GRID2: variants seen among roughly 807,000 people sequenced by gnomAD.
GRID2 encodes the protein glutamate ionotropic receptor delta type subunit 2, also known as glutamate receptor ionotropic, delta-2.
GRID2 carries 33 observed loss-of-function variants against 114.8 expected under a neutral mutation model. The ratio of observed to expected loss-of-function variants is 0.29; its 90% CI spans 0.22 to 0.38. GRID2 has a LOEUF of 0.38. Among genes scored for constraint, GRID2 ranks in the 10% least tolerant of loss-of-function variants. GRID2 has a pLI of 1.00. For missense variants in GRID2, 1,184 were observed against 1,257.7 expected, an observed-to-expected ratio of 0.94 and a Z score of 0.89; for synonymous variants, 505 against 449.9, an observed-to-expected ratio of 1.12 and a Z score of -1.55.
chr4:93,118,492 A>T (rs1291970462), intron 4 of GRID2, among the ~76,000 whole-genome samples: 1 of 152,180 alleles, frequency 6.6e-6, no homozygotes, highest in African/African-American at 2.4e-5. Flanking sequence ...ATTTTGTTGA[A>T]TTCCAAATAT....
At chr4:92,860,949 A>G (rs1208042131) in intron 2 of GRID2, among the ~76,000 whole-genome samples, 3 of 152,132 alleles carry the variant, frequency 2.0e-5, no homozygotes, top group Admixed American at 6.6e-5. Flanking sequence ...GTAGATGTGC[A>G]TAAAGACACT....
intron 1 of GRID2, among the ~76,000 whole-genome samples, chr4:92,406,286 T>C (rs1731026151): frequency 6.6e-6 from 1 of 152,218 alleles, no homozygotes; most frequent in Admixed American, 6.5e-5. Context: ...ATACATAACT[T>C]TAAAATTATA....
intron 4 of GRID2, among the ~76,000 whole-genome samples, chr4:93,170,731 CT>C (rs1449636682): frequency 6.6e-6 from 1 of 152,120 alleles, no homozygotes; most frequent in African/African-American, 2.4e-5. Context: ...TACACTTCTC[CT>C]TTGAATTACA....
At chr4:92,852,962 G>A (rs1015174647) in intron 2 of GRID2, among the ~76,000 whole-genome samples, 2 of 151,928 alleles carry the variant, frequency 1.3e-5, no homozygotes, top group African/African-American at 4.8e-5. Flanking sequence ...CTGTTCTGCT[G>A]TAAATTCTTT....
At chr4:92,810,469 G>A (rs1171121521) in intron 2 of GRID2, among the ~76,000 whole-genome samples, 1 of 151,878 alleles carries the variant, frequency 6.6e-6, no homozygotes, top group Non-Finnish European at 1.5e-5. Context: ...TACCCCTGAA[G>A]CTACTGAAAT....
chr4:93,458,080 A>T (rs1305834398), intron 11 of GRID2, among the ~76,000 whole-genome samples: 1 of 152,176 alleles, frequency 6.6e-6, no homozygotes, highest in Non-Finnish European at 1.5e-5. Flanking sequence ...CCACTGGCCC[A>T]TACAAAGCCT....
chr4:92,972,335 C>A (rs998154551), intron 2 of GRID2, among the ~76,000 whole-genome samples: 3 of 151,080 alleles, frequency 2.0e-5, no homozygotes, highest in African/African-American at 7.3e-5. Flanking sequence ...TTGGCCATTT[C>A]TTTAAATAGA....
At chr4:93,240,296 G>T (rs1263381496) in intron 8 of GRID2, among the ~76,000 whole-genome samples, 1 of 151,534 alleles carries the variant, frequency 6.6e-6, no homozygotes, top group Admixed American at 6.6e-5. Flanking sequence ...TCTTGAATTT[G>T]TAAGACTTAA....
intron 4 of GRID2, among the ~76,000 whole-genome samples, chr4:93,192,141 A>G (rs1741042433): frequency 6.6e-6 from 1 of 152,172 alleles, no homozygotes; most frequent in African/African-American, 2.4e-5. Context: ...TAATTTACCT[A>G]GAGAGGAACT....
In GRID2 at chr4:92,590,173, T is replaced by C. The variant is rs1400147997; in HGVS notation, c.131T>C (p.Phe44Ser). Residue 44 changes from phenylalanine (F) to serine (S), a missense_variant, in exon 2 of 16, where the codon TTT becomes TCT. Phe to Ser is a radical substitution (Grantham distance 155, BLOSUM62 -2). Around this residue, in one of 3 missense-constraint regions of GRID2, gnomAD observed 455 missense variants for 429.5 expected, o/e 1.06. Transcript: ENST00000282020. ...TCTGCCAAAAAGGATGATGAGGTAT[T>C]TCGCACTGCGGTTGGTGACCTTAAC... ...DESAKKDDEVFRTAVGDLNQN... is the reference protein window; with the variant it reads ...DESAKKDDEVSRTAVGDLNQN... 1 of 1,612,364 alleles carries C rather than the reference T, an allele frequency of 6.2e-7. No homozygotes were observed. Among genetic ancestry groups the C allele is most frequent in the Admixed American group, 1.7e-5 (1 of 59,992 alleles).
At chr4:92,541,019 C>G (rs1228165094) in intron 1 of GRID2, among the ~76,000 whole-genome samples, 1 of 152,126 alleles carries the variant, frequency 6.6e-6, no homozygotes, top group Non-Finnish European at 1.5e-5. Flanking sequence ...TGGAAACCAT[C>G]ATTCTCAGCA....
At chr4:93,621,276 A>G (rs113705931) in intron 13 of GRID2, among the ~76,000 whole-genome samples, 37 of 152,332 alleles carry the variant, frequency 2.4e-4, no homozygotes, top group African/African-American at 8.4e-4. Context: ...CTGAGCCTCA[A>G]TAGTTACCAA....
chr4:92,970,473 T>C (rs1753436017), intron 2 of GRID2, among the ~76,000 whole-genome samples: 1 of 151,958 alleles, frequency 6.6e-6, no homozygotes, highest in African/African-American at 2.4e-5. Context: ...TAAATAATAG[T>C]GCACATATTT....
At chr4:92,879,035 G>A (rs1033573893) in intron 2 of GRID2, among the ~76,000 whole-genome samples, 1 of 152,130 alleles carries the variant, frequency 6.6e-6, no homozygotes, top group Non-Finnish European at 1.5e-5. Flanking sequence ...TGGCTTTCTA[G>A]AGCTTTATCT....
At chr4:93,247,329 A>G (rs188585589) in intron 8 of GRID2, among the ~76,000 whole-genome samples, 113 of 152,256 alleles carry the variant, frequency 7.4e-4, no homozygotes, top group African/African-American at 2.6e-3. Context: ...CCCAGAAGAG[A>G]TTAGCATTTT....
intron 14 of GRID2, among the ~76,000 whole-genome samples, chr4:93,679,975 T>C (rs1283872601): frequency 3.3e-5 from 5 of 150,846 alleles, no homozygotes; most frequent in Admixed American, 6.6e-5. Flanking sequence ...TTCAAAAAAT[T>C]AATGAATCCA....
At chr4:93,265,297 G>T (rs1238857475) in intron 8 of GRID2, among the ~76,000 whole-genome samples, 1 of 152,054 alleles carries the variant, frequency 6.6e-6, no homozygotes, top group Non-Finnish European at 1.5e-5. Context: ...ATTGGAGGCA[G>T]GTGCTGTCTT....
intron 13 of GRID2, among the ~76,000 whole-genome samples, chr4:93,541,061 C>T (rs1004784778): frequency 3.3e-5 from 5 of 151,998 alleles, no homozygotes; most frequent in African/African-American, 1.2e-4. Context: ...ATATGACAGC[C>T]CGACAGAATT....
intron 13 of GRID2, among the ~76,000 whole-genome samples, chr4:93,591,396 G>A (rs1738285449): frequency 6.6e-6 from 1 of 151,470 alleles, no homozygotes; most frequent in East Asian, 1.9e-4. Context: ...TTGCATCCCA[G>A]GGATGAAGCC....
Sources: allele counts gnomAD v4.1 joint callset (sites outside exome capture counted in the v4.1 genomes callset), GRCh38; gene constraint gnomAD v4.1.1; regional missense constraint gnomAD v4.1.1; transcripts MANE v1.5; gene names NCBI Gene and HGNC (gene_info 2026-07-23, HGNC 2026-07-21).